MAGI3: variants seen among roughly 807,000 people sequenced by gnomAD.
The protein encoded by MAGI3 is membrane-associated guanylate kinase, WW and PDZ domain-containing protein 3.
In MAGI3, 43 loss-of-function variants were observed where a neutral mutation model predicts 121.8. That is an observed-to-expected ratio of 0.35 (90% CI 0.28 to 0.46). MAGI3 has a LOEUF of 0.46. Among genes scored for constraint, MAGI3 ranks in the 20% least tolerant of loss-of-function variants. The pLI is 1.00. For synonymous variants in MAGI3, 553 were observed against 639.3 expected (o/e 0.86, Z 2.04); for missense variants, 1,547 against 1,797.3 (o/e 0.86, Z 2.52).
chr1:113,622,938 A>G lies in MAGI3; in HGVS notation c.1304A>G (p.Gln435Arg), dbSNP rs1650926154. 1 of 1,576,536 alleles carries G rather than the reference A, an allele frequency of 6.3e-7. No homozygotes were observed. Among genetic ancestry groups the G allele is most frequent in the South Asian group, 1.2e-5 (1 of 82,592 alleles). Residue 435 changes from glutamine to arginine, a missense_variant, in exon 9 of 21, where the codon CAA becomes CGA. Gln to Arg is a conservative substitution (Grantham distance 43). Transcript: ENST00000307546. ...IGGDRPDEFLQVKNVLKDGPA... is the reference protein window; with the variant it reads ...IGGDRPDEFLRVKNVLKDGPA... ...GGAGATAGACCTGATGAGTTCCTACAAGTGAAAAATGTGCTGAAAGATGGT... is the reference window on the plus strand; with the variant it reads ...GGAGATAGACCTGATGAGTTCCTACGAGTGAAAAATGTGCTGAAAGATGGT...
intron 16 of MAGI3, among the ~76,000 whole-genome samples, chr1:113,665,761 T>TG (rs1247290721): frequency 6.6e-6 from 1 of 152,102 alleles, no homozygotes; most frequent in Non-Finnish European, 1.5e-5. Context: ...CTTGGTAAGG[T>TG]GAGTCTCAAT....
At chr1:113,649,469 C>T in intron 13 of MAGI3, 141 bp downstream of exon 13, 1 of 564,758 alleles carries the variant, frequency 1.8e-6, no homozygotes, top group South Asian at 3.1e-5. Context: ...CCATTATTAT[C>T]ATAGTCCCTC....
At chr1:113,392,644 C>T (rs1177763256) in intron 1 of MAGI3, among the ~76,000 whole-genome samples, 1 of 152,050 alleles carries the variant, frequency 6.6e-6, no homozygotes, top group Non-Finnish European at 1.5e-5. Context: ...ATAGCGTATT[C>T]CATCGTATTC....
At chr1:113,632,372 A>G (rs1252934391) in intron 9 of MAGI3, among the ~76,000 whole-genome samples, 7 of 152,220 alleles carry the variant, frequency 4.6e-5, no homozygotes, top group Admixed American at 6.5e-5. Context: ...TCTAATTTGC[A>G]TGGCAATACA....
Position 113,659,108 on chromosome 1 carries a change from A to G in MAGI3, c.2658A>G (p.Ile886Met), listed in dbSNP as rs766636211. 5.0e-6 allele frequency: 8 copies of G among 1,613,052 alleles called. No homozygotes were observed. In the South Asian group the frequency reaches 7.7e-5, roughly 16 times the overall value. Residue 886 changes from isoleucine to methionine, a missense_variant, in exon 16 of 21, where the codon ATA becomes ATG. Ile to Met is a conservative substitution (Grantham distance 10). Coordinates refer to ENST00000307546, the MANE Select transcript of MAGI3 (RefSeq NM_001142782.2). ...GVIPHKIGRV[I>M]EGSPADRCGK... is the part of the protein sequence containing the mutation. ...TTCCTCATAAAATTGGCCGAGTCAT[A>G]GAAGGAAGTCCGGCTGACCGCTGTG...
At chr1:113,533,165 A>G (rs1658805457) in intron 1 of MAGI3, among the ~76,000 whole-genome samples, 1 of 152,202 alleles carries the variant, frequency 6.6e-6, no homozygotes, top group South Asian at 2.1e-4. Flanking sequence ...AGCTTTAGTC[A>G]TAGACCTCCG....
intron 1 of MAGI3, among the ~76,000 whole-genome samples, chr1:113,421,200 T>G (rs1414387173): frequency 6.6e-6 from 1 of 152,156 alleles, no homozygotes; most frequent in Non-Finnish European, 1.5e-5. Flanking sequence ...ACAAAAAATT[T>G]CCATGGTTTC....
intron 7 of MAGI3, among the ~76,000 whole-genome samples, chr1:113,618,196 G>A (rs1017584648): frequency 4.6e-5 from 7 of 151,814 alleles, no homozygotes; most frequent in Admixed American, 2.6e-4. Context: ...AATTAGCTGG[G>A]CATGGTGGCA....
intron 6 of MAGI3, among the ~76,000 whole-genome samples, chr1:113,602,173 G>A (rs990526086): frequency 1.9e-4 from 29 of 152,060 alleles, no homozygotes; most frequent in Admixed American, 1.6e-3. Context: ...GTATACATAT[G>A]TAACTAACCT....
At chr1:113,503,852 G>A (rs1324239650) in intron 1 of MAGI3, among the ~76,000 whole-genome samples, 1 of 152,044 alleles carries the variant, frequency 6.6e-6, no homozygotes, top group Non-Finnish European at 1.5e-5. Flanking sequence ...AAGGTCTAGA[G>A]AAGTGGTAAA....
At chr1:113,519,911 A>G (rs1184223006) in intron 1 of MAGI3, among the ~76,000 whole-genome samples, 6 of 152,234 alleles carry the variant, frequency 3.9e-5, no homozygotes, top group African/African-American at 2.4e-5. Flanking sequence ...CCAGAATCCC[A>G]GGGGCTAGCC....
At chr1:113,681,056 A>T in intron 19 of MAGI3, 142 bp from the exon 20 acceptor site, 1 of 826,534 alleles carries the variant, frequency 1.2e-6, no homozygotes, top group Non-Finnish European at 1.8e-6. Context: ...ATCAACTCTC[A>T]CATGGCAGTA....
At chr1:113,617,273 G>T (rs888945414) in intron 7 of MAGI3, among the ~76,000 whole-genome samples, 4 of 152,168 alleles carry the variant, frequency 2.6e-5, no homozygotes, top group African/African-American at 9.6e-5. Context: ...TACAGAAAAT[G>T]TGTCAAATTG....
intron 2 of MAGI3, among the ~76,000 whole-genome samples, chr1:113,552,081 G>T (rs1659811958): frequency 6.6e-6 from 1 of 151,370 alleles, no homozygotes; most frequent in Admixed American, 6.6e-5. Context: ...TTGATAGTTG[G>T]GCTGTTGTTC....
At chr1:113,402,241 G>A (rs1157043136) in intron 1 of MAGI3, among the ~76,000 whole-genome samples, 1 of 152,104 alleles carries the variant, frequency 6.6e-6, no homozygotes, top group African/African-American at 2.4e-5. Flanking sequence ...GACTCAGTTT[G>A]TTAGGCCATC....
chr1:113,553,375 G>C (rs1234946942), intron 2 of MAGI3, among the ~76,000 whole-genome samples: 1 of 152,174 alleles, frequency 6.6e-6, no homozygotes, highest in Non-Finnish European at 1.5e-5. Context: ...CAAGCAATCT[G>C]TAAAGGCACC....
intron 12 of MAGI3, among the ~76,000 whole-genome samples, chr1:113,648,189 C>T (rs989907726): frequency 6.6e-6 from 1 of 152,036 alleles, no homozygotes; most frequent in Admixed American, 6.6e-5. Flanking sequence ...CCAAAGTGGA[C>T]TCTTTTAATC....
chr1:113,556,279 G>C (rs1659990042), intron 2 of MAGI3, among the ~76,000 whole-genome samples: 1 of 152,142 alleles, frequency 6.6e-6, no homozygotes, highest in Admixed American at 6.5e-5. Flanking sequence ...CTCATTCTTT[G>C]AGATCAATAA....
chr1:113,685,464 C>CTTTAACCCAGTATTCAGA lies in MAGI3; in HGVS notation c.*1459_*1460insGTATTCAGATTTAACCCA, dbSNP rs1553219114. 2.0e-5 allele frequency: 3 copies of CTTTAACCCAGTATTCAGA among 152,344 alleles called. No individual in the cohort carries two copies. The highest frequency in any genetic ancestry group is 2.9e-5 in the Non-Finnish European group (2 of 68,040). 9.4% of individuals were successfully genotyped at this position (152,344 alleles called of 1,614,324 possible). ...CCTCTGGGAGTCTGACTGTGAAACT[C>CTTTAACCCAGTATTCAGA]TTTAACCCAACAACTCAATTAGCCC... is the stretch of plus-strand genomic sequence containing the variant. On this transcript the variant is annotated 3_prime_UTR_variant, in exon 21 of 21. Coordinates refer to ENST00000307546, the MANE Select transcript of MAGI3 (RefSeq NM_001142782.2).
Sources: gnomAD v4.1 joint callset for allele counts (sites outside exome capture counted in the v4.1 genomes callset) on GRCh38, gnomAD v4.1.1 for gene constraint, MANE v1.5 for transcripts, NCBI Gene and HGNC (gene_info 2026-07-23, HGNC 2026-07-21) for gene names.